IGSF10: variants seen among roughly 807,000 people sequenced by gnomAD.
IGSF10 encodes the protein calvaria mechanical force protein 608.
IGSF10 carries 126 observed loss-of-function variants against 128.2 expected under a neutral mutation model. The observed-to-expected ratio is 0.98, with a 90% CI of 0.85 to 1.14. The LOEUF (loss-of-function observed/expected upper bound fraction) is 1.14, where lower values mean the gene tolerates loss of function less well. Among genes scored for constraint, IGSF10 ranks in the 50% most tolerant of loss-of-function variants. The probability of loss-of-function intolerance (pLI) is 0.00; values close to 1 mark genes in which losing one functional copy is unlikely to be tolerated. For synonymous variants in IGSF10, 1,185 were observed against 1,146.2 expected, an observed-to-expected ratio of 1.03 and a Z score of -0.68; for missense variants, 3,295 against 3,149.8, an observed-to-expected ratio of 1.05 and a Z score of -1.10.
chr3:151,534,302 G>A, the IGSF10 span, among the ~76,000 whole-genome samples: 1 of 152,120 alleles, frequency 6.6e-6, no homozygotes, highest in Non-Finnish European at 1.5e-5. Flanking sequence ...TCCCATTACT[G>A]GGTATATACC....
Position 151,437,371 on chromosome 3 carries a change from A to G in IGSF10, c.7190T>C (p.Ile2397Thr). Reference sequence around the variant, plus strand: ...ATCCTCCCGAGTTGTTTTAGAAATGATAAAAGAACCATTGCTTGCTATCAG... The same window carrying G: ...ATCCTCCCGAGTTGTTTTAGAAATGGTAAAAGAACCATTGCTTGCTATCAG... Reference protein sequence around the residue: ...QYLIASNGSFIISKTTREDAG... With the variant: ...QYLIASNGSFTISKTTREDAG... The change falls in exon 8 of 8, where the codon ATC becomes ACC. Residue 2397 changes from isoleucine (I) to threonine (T), a missense_variant. Coordinates refer to ENST00000282466, the MANE Select transcript of IGSF10 (RefSeq NM_178822.5). 2 of 1,614,220 alleles carry G rather than the reference A, an allele frequency of 1.2e-6. No individual in the cohort carries two copies. Among genetic ancestry groups the G allele is most frequent in the Non-Finnish European group, 1.7e-6 (2 of 1,180,034 alleles).
chr3:151,544,371 CT>C, the IGSF10 span, among the ~76,000 whole-genome samples: 1 of 152,216 alleles, frequency 6.6e-6, no homozygotes, highest in Admixed American at 6.5e-5. Context: ...CTGCTCTCAC[CT>C]CCATAGGATT....
chr3:151,445,009 A>C lies in IGSF10; in HGVS notation c.4972T>G (p.Phe1658Val), dbSNP rs1309421902. Residue 1658 changes from phenylalanine (F) to valine (V), a missense_variant, in exon 6 of 8, where the codon TTT (phenylalanine) becomes GTT (valine). Physicochemically the swap from Phe to Val is conservative, Grantham distance 50. Coordinates refer to ENST00000282466, the MANE Select transcript of IGSF10 (RefSeq NM_178822.5). ...GCATCTGAGTTAGCTGGAATAGTAA[A>C]ACTTGCAGCTTTTCCTCCAACTATC... ...PRIVGGKAAS[F>V]TIPANSDAFL... 7.4e-6 allele frequency: 12 copies of C among 1,614,006 alleles called. No homozygotes were observed. The highest frequency in any genetic ancestry group is 1.1e-5 in the South Asian group (1 of 91,088).
At chr3:151,479,139 G>A in the IGSF10 span, among the ~76,000 whole-genome samples, 2 of 152,116 alleles carry the variant, frequency 1.3e-5, no homozygotes, top group Admixed American at 1.3e-4. Flanking sequence ...TGTAGGAGTT[G>A]AAAGAGCTAA....
rs377448302 is a variant in IGSF10, at chr3:151,447,146, T to C, written c.2835A>G (p.Leu945=). ...GACTATTTGTGGTATTTACTGACTC[T>C]AATAATAGTTTGTTGGTGGTGCTAC... The part of the protein sequence containing the change: ...MLSSTTNKLL[L]ESVNTTNSHQ... The change falls in exon 6 of 8, where the codon TTA becomes TTG. Residue 945 remains leucine, a synonymous_variant. Coordinates refer to ENST00000282466, the MANE Select transcript of IGSF10 (RefSeq NM_178822.5). The C allele has an allele frequency of 6.2e-7, 1 of 1,613,928 alleles. No homozygotes were observed. Among genetic ancestry groups the C allele is most frequent in the African/African-American group, 1.3e-5 (1 of 74,938 alleles).
At position 151,448,491 on chromosome 3, in the gene IGSF10, C is replaced by A. The variant is rs1367678417; in HGVS notation, c.1490G>T (p.Cys497Phe). The stretch of plus-strand genomic sequence containing the variant: ...TGGGGTGGGGTCTCCTTGGCCTGGG[C>A]AGTTCAGGCCAACGGTTCCACCTAC... ...VLVGGTVGLN[C>F]PGQGDPTPHV... is the part of the protein sequence containing the mutation. Residue 497 changes from cysteine (C) to phenylalanine (F), a missense_variant, in exon 6 of 8, where the codon TGC (cysteine) becomes TTC (phenylalanine). Coordinates refer to ENST00000282466, the MANE Select transcript of IGSF10 (RefSeq NM_178822.5). 2 of 1,614,076 alleles carry A rather than the reference C, an allele frequency of 1.2e-6. No homozygotes were observed. Among genetic ancestry groups the A allele is most frequent in the East Asian group, 4.5e-5 (2 of 44,902 alleles).
At chr3:151,461,405 G>A (rs766782896), upstream of IGSF10, 10 of 985,012 alleles carry the variant, frequency 1.0e-5, no homozygotes, top group Non-Finnish European at 1.2e-5. Flanking sequence ...TGAAGGCTAA[G>A]TTAGCGTTAA....
At chr3:151,504,334 G>A in the IGSF10 span, among the ~76,000 whole-genome samples, 4 of 152,160 alleles carry the variant, frequency 2.6e-5, no homozygotes, top group African/African-American at 4.8e-5. Flanking sequence ...TCATCATAGA[G>A]TTGGGAATGA....
At chr3:151,616,246 C>T in the IGSF10 span, among the ~76,000 whole-genome samples, 22 of 152,284 alleles carry the variant, frequency 1.4e-4, no homozygotes, top group Admixed American at 1.4e-3. Context: ...GGATTACAGG[C>T]ATGAGCCACC....
chr3:151,589,425 C>T, the IGSF10 span, among the ~76,000 whole-genome samples: 3 of 152,158 alleles, frequency 2.0e-5, no homozygotes, highest in African/African-American at 7.2e-5. Context: ...AATCTTGCAA[C>T]ATTAGTGTAT....
chr3:151,478,414 A>G, the IGSF10 span, among the ~76,000 whole-genome samples: 2 of 152,240 alleles, frequency 1.3e-5, no homozygotes, highest in Non-Finnish European at 1.5e-5. Flanking sequence ...CATTGCTTTA[A>G]GAGATTTCTC....
chr3:151,447,948 C>A lies in IGSF10; in HGVS notation c.2033G>T (p.Gly678Val). The change falls in exon 6 of 8, where the codon GGA becomes GTA. Residue 678 changes from glycine to valine, a missense_variant. Physicochemically the swap from Gly to Val is moderately radical, Grantham distance 109 (BLOSUM62 -3). Transcript: ENST00000282466. ...AGGATTGGACTCATCAAGTCCAGAT[C>A]CCTCTGTTTCTCCATCATGCTCCAA... ...RPLEHDGETE[G>V]SGLDESNPIA... The A allele has an allele frequency of 1.2e-6, 2 of 1,614,048 alleles. No individual in the cohort carries two copies. The highest frequency in any genetic ancestry group is 8.5e-7 in the Non-Finnish European group (1 of 1,180,006).
At chr3:151,542,511 T>C in the IGSF10 span, among the ~76,000 whole-genome samples, 1 of 152,220 alleles carries the variant, frequency 6.6e-6, no homozygotes, top group Non-Finnish European at 1.5e-5. Context: ...CTTGCAGGGA[T>C]ACCCTTTGTA....
chr3:151,585,584 C>G, the IGSF10 span, among the ~76,000 whole-genome samples: 2 of 151,970 alleles, frequency 1.3e-5, no homozygotes, highest in Non-Finnish European at 2.9e-5. Flanking sequence ...CCATTCCTTT[C>G]TGTATTTTCT....
chr3:151,510,566 T>C, the IGSF10 span, among the ~76,000 whole-genome samples: 1 of 152,054 alleles, frequency 6.6e-6, no homozygotes, highest in East Asian at 1.9e-4. Context: ...CTTCTCCTCC[T>C]CCAAAGGAAT....
chr3:151,587,049 G>C, the IGSF10 span, among the ~76,000 whole-genome samples: 1 of 152,084 alleles, frequency 6.6e-6, no homozygotes, highest in Non-Finnish European at 1.5e-5. Flanking sequence ...TATAGCATTT[G>C]TTTTGGTAAG....
intron 7 of IGSF10, among the ~76,000 whole-genome samples, chr3:151,438,957 TA>T (rs1445833045): frequency 3.9e-5 from 6 of 152,000 alleles, no homozygotes; most frequent in African/African-American, 1.2e-4. Context: ...ATTGTTGCAA[TA>T]AAAAAATAAA....
At chr3:151,461,111 G>A (rs547233585), upstream of IGSF10, 6 of 985,390 alleles carry the variant, frequency 6.1e-6, no homozygotes, top group Non-Finnish European at 7.2e-6. Context: ...GTCTGGGGAC[G>A]CGGCCGGGGC....
the IGSF10 span, among the ~76,000 whole-genome samples, chr3:151,564,696 G>A: frequency 6.6e-6 from 1 of 152,164 alleles, no homozygotes; most frequent in African/African-American, 2.4e-5. Context: ...AGTTGAATGA[G>A]GTATGCATGT....
Sources: gnomAD v4.1 joint callset for allele counts (sites outside exome capture counted in the v4.1 genomes callset) on GRCh38, gnomAD v4.1.1 for gene constraint, MANE v1.5 for transcripts, NCBI Gene and HGNC (gene_info 2026-07-23, HGNC 2026-07-21) for gene names.